GLIS1: variants seen among roughly 807,000 people sequenced by gnomAD.
GLIS1 encodes GLIS family zinc finger 1.
Under a neutral mutation model 63.8 loss-of-function variants are expected in GLIS1, and 24 were observed. The observed-to-expected ratio is 0.38, with a 90% confidence interval of 0.27 to 0.53. The LOEUF (loss-of-function observed/expected upper bound fraction) is 0.53. Ranked by LOEUF, GLIS1 falls within the 20% of genes least tolerant of loss-of-function variation. The pLI is 0.85. For missense variants in GLIS1, 1,036 were observed against 1,074.1 expected (o/e 0.96, Z 0.50); for synonymous variants, 450 against 482.5 (o/e 0.93, Z 0.88).
intron 2 of GLIS1, among the ~76,000 whole-genome samples, chr1:53,663,917 C>T (rs1307799081): frequency 6.6e-6 from 1 of 151,038 alleles, no homozygotes; most frequent in Non-Finnish European, 1.5e-5. Flanking sequence ...CCAGGCGCCT[C>T]GAGGGAACCG....
intron 4 of GLIS1, among the ~76,000 whole-genome samples, chr1:53,549,102 CAT>C (rs1644734307): frequency 2.6e-5 from 4 of 152,234 alleles, no homozygotes. Context: ...CATGCTGTCA[CAT>C]GTGTCGATAC....
chr1:53,515,039 G>A (rs1644336381), intron 7 of GLIS1, among the ~76,000 whole-genome samples: 1 of 151,908 alleles, frequency 6.6e-6, no homozygotes, highest in Non-Finnish European at 1.5e-5. Context: ...GACTGGCAAG[G>A]GGCTGTCAGA....
chr1:53,552,056 TC>T (rs915166630), intron 4 of GLIS1, among the ~76,000 whole-genome samples: 1 of 151,510 alleles, frequency 6.6e-6, no homozygotes, highest in African/African-American at 2.4e-5. Flanking sequence ...GCAAACAGCA[TC>T]CCCCAGATCC....
At chr1:53,643,554 G>A (rs1396854543) in intron 2 of GLIS1, among the ~76,000 whole-genome samples, 1 of 152,164 alleles carries the variant, frequency 6.6e-6, no homozygotes, top group Non-Finnish European at 1.5e-5. Context: ...GGAGCAAGGA[G>A]GCAGACTCAG....
At chr1:53,680,639 A>G (rs1264576333) in intron 2 of GLIS1, among the ~76,000 whole-genome samples, 1 of 152,242 alleles carries the variant, frequency 6.6e-6, no homozygotes, top group East Asian at 1.9e-4. Context: ...AATATCAGAG[A>G]AGGTTTTAAA....
At chr1:53,549,383 C>T (rs1644736856) in intron 4 of GLIS1, among the ~76,000 whole-genome samples, 2 of 152,248 alleles carry the variant, frequency 1.3e-5, no homozygotes, top group Non-Finnish European at 2.9e-5. Flanking sequence ...TGCACAATTG[C>T]ACATTCCCAT....
intron 2 of GLIS1, among the ~76,000 whole-genome samples, chr1:53,609,722 A>C (rs1645407570): frequency 6.6e-6 from 1 of 152,242 alleles, no homozygotes; most frequent in Admixed American, 6.5e-5. Context: ...GTCATGCATC[A>C]ACAACAGGGA....
chr1:53,710,122 C>A (rs1182687336), intron 2 of GLIS1, among the ~76,000 whole-genome samples: 1 of 152,222 alleles, frequency 6.6e-6, no homozygotes, highest in East Asian at 1.9e-4. Flanking sequence ...GGAGCCCCTT[C>A]TTTCTGAACC....
chr1:53,606,217 C>T (rs899343714), intron 2 of GLIS1, among the ~76,000 whole-genome samples: 4 of 152,224 alleles, frequency 2.6e-5, no homozygotes, highest in African/African-American at 9.6e-5. Context: ...GGCAGAGAGA[C>T]ATGGTCAACA....
intron 2 of GLIS1, among the ~76,000 whole-genome samples, chr1:53,694,162 G>A (rs1226996860): frequency 6.6e-6 from 1 of 152,224 alleles, no homozygotes; most frequent in African/African-American, 2.4e-5. Flanking sequence ...TGGGGTCAGG[G>A]CAGGTCTAGG....
chr1:53,623,380 A>G lies in GLIS1; in HGVS notation c.260-23102T>C, dbSNP rs566528855. ...AAATTCTCAGCATACTAGAAACAGA[A>G]AAGAATTTCCTCAAAATAATAAAGT... On this transcript the variant is annotated intron_variant, in intron 2 of 10. Transcript: ENST00000628545. Among the ~76,000 whole-genome samples, 58 of 152,322 alleles carry G rather than the reference A, an allele frequency of 3.8e-4. No individual in the cohort carries two copies. In the South Asian group the frequency reaches 0.011, roughly 29 times the overall value.
rs116687354 is a variant in GLIS1, at chr1:53,683,990, A to G, written c.259+53816T>C. 5.7e-3 allele frequency among the ~76,000 whole-genome samples: 872 copies of G among 152,196 alleles called. 12 individuals carry two copies. Among genetic ancestry groups the G allele is most frequent in the African/African-American group, 0.02 (833 of 41,504 alleles). ...ATCACCTTGTTCTGCTGGGGCTTAG[A>G]GTGGAATCTTTTCCCCAAATTGGAC... On this transcript the variant is annotated intron_variant, in intron 2 of 10. Transcript: ENST00000628545.
At chr1:53,672,319 G>T (rs1646160981) in intron 2 of GLIS1, among the ~76,000 whole-genome samples, 1 of 152,188 alleles carries the variant, frequency 6.6e-6, no homozygotes, top group Admixed American at 6.5e-5. Flanking sequence ...ACCTCCACAA[G>T]CCCCGCCTTC....
At chr1:53,684,712 T>G (rs1329737909) in intron 2 of GLIS1, among the ~76,000 whole-genome samples, 1 of 152,194 alleles carries the variant, frequency 6.6e-6, no homozygotes, top group African/African-American at 2.4e-5. Context: ...ATCTCCTTCA[T>G]ACAGCTCCCA....
intron 2 of GLIS1, among the ~76,000 whole-genome samples, chr1:53,711,165 C>T (rs559848766): frequency 6.6e-6 from 1 of 152,292 alleles, no homozygotes; most frequent in South Asian, 2.1e-4. Context: ...CCTTCGGACC[C>T]TCTACTTGAA....
chr1:53,597,295 C>A (rs1275654348), intron 3 of GLIS1, among the ~76,000 whole-genome samples: 1 of 148,230 alleles, frequency 6.7e-6, no homozygotes, highest in Non-Finnish European at 1.5e-5. Flanking sequence ...ATGGCGTGAA[C>A]CCGGGAGGCG....
At chr1:53,733,611 A>T (rs1278878668) in intron 2 of GLIS1, among the ~76,000 whole-genome samples, 1 of 152,202 alleles carries the variant, frequency 6.6e-6, no homozygotes. Context: ...TTTGGGAATT[A>T]TATTTCCGCT....
At chr1:53,507,887 C>A (rs551123088) in intron 10 of GLIS1, among the ~76,000 whole-genome samples, 1 of 152,292 alleles carries the variant, frequency 6.6e-6, no homozygotes, top group Non-Finnish European at 1.5e-5. Context: ...ATGGGGAGAG[C>A]CCACAGTGCT....
chr1:53,686,438 G>C (rs1646338083), intron 2 of GLIS1, among the ~76,000 whole-genome samples: 1 of 152,216 alleles, frequency 6.6e-6, no homozygotes, highest in Non-Finnish European at 1.5e-5. Context: ...AAGTGGGAAA[G>C]AAGGTTAGGA....
Sources: allele counts gnomAD v4.1 joint callset (sites outside exome capture counted in the v4.1 genomes callset), GRCh38; gene constraint gnomAD v4.1.1; transcripts MANE v1.5; gene names NCBI Gene and HGNC (gene_info 2026-07-23, HGNC 2026-07-21).